The following POPDC1 variants were observed in gnomAD, a reference collection of about 807,000 sequenced individuals.
POPDC1 encodes the protein popeye domain-containing protein 1.
At chr6:105,111,782 A>G in the POPDC1 span, among the ~76,000 whole-genome samples, 1 of 152,244 alleles carries the variant, frequency 6.6e-6, no homozygotes, top group Admixed American at 6.5e-5. Context: ...TGGGAGCAGC[A>G]GCAATTCCAT....
At chr6:105,109,458 G>GT in the POPDC1 span, among the ~76,000 whole-genome samples, 1 of 152,042 alleles carries the variant, frequency 6.6e-6, no homozygotes, top group African/African-American at 2.4e-5. Flanking sequence ...CCTAGAGTTG[G>GT]TGAGAAGGTA....
the POPDC1 span, among the ~76,000 whole-genome samples, chr6:105,132,005 C>T: frequency 2.8e-3 from 402 of 145,716 alleles, 4 homozygotes; most frequent in African/African-American, 9.7e-3. Flanking sequence ...CTAGCTCTGT[C>T]GCCAGGTTGG....
chr6:105,132,855 A>C, the POPDC1 span, among the ~76,000 whole-genome samples: 35 of 152,328 alleles, frequency 2.3e-4, no homozygotes, highest in African/African-American at 8.4e-4. Context: ...TATCTTTTCA[A>C]GTAATAATAG....
At chr6:105,124,380 TCAAA>T in the POPDC1 span, among the ~76,000 whole-genome samples, 1 of 62,984 alleles carries the variant, frequency 1.6e-5, no homozygotes. Flanking sequence ...AGACTCCGTC[TCAAA>T]CAAAAAAAAA....
At chr6:105,133,362 C>T in the POPDC1 span, 1 of 1,611,618 alleles carries the variant, frequency 6.2e-7, no homozygotes, top group Non-Finnish European at 8.5e-7. Context: ...CTAGAGTTAA[C>T]ATTCCCCTAA....
the POPDC1 span, among the ~76,000 whole-genome samples, chr6:105,130,248 T>C: frequency 0.011 from 1,721 of 152,266 alleles, 35 homozygotes; most frequent in African/African-American, 0.04. Context: ...GATTTTCCCA[T>C]TTCATTAAAC....
chr6:105,105,183 C>T, the POPDC1 span, among the ~76,000 whole-genome samples: 50 of 152,284 alleles, frequency 3.3e-4, no homozygotes, highest in Admixed American at 9.8e-4. Context: ...CTGCAATCCC[C>T]CCCCAACTCC....
At chr6:105,115,777 C>G in the POPDC1 span, 1 of 1,614,134 alleles carries the variant, frequency 6.2e-7, no homozygotes, top group Non-Finnish European at 8.5e-7. Flanking sequence ...TCATTTCCAA[C>G]ATGGAGATCT....
the POPDC1 span, chr6:105,133,632 T>C: frequency 8.0e-6 from 11 of 1,380,250 alleles, 1 homozygote; most frequent in South Asian, 9.2e-5. Flanking sequence ...AAAATGGCAA[T>C]TGTATCTTTT....
the POPDC1 span, among the ~76,000 whole-genome samples, chr6:105,115,181 G>A: frequency 6.6e-6 from 1 of 152,242 alleles, no homozygotes; most frequent in African/African-American, 2.4e-5. Context: ...CCGCCTCCCA[G>A]GTTCACGCCA....
chr6:105,128,529 CATT>C, the POPDC1 span, among the ~76,000 whole-genome samples: 10 of 152,162 alleles, frequency 6.6e-5, no homozygotes, highest in African/African-American at 2.2e-4. Context: ...TGTTATATAT[CATT>C]GAGATTTATT....
chr6:105,123,573 TG>T, the POPDC1 span, among the ~76,000 whole-genome samples: 3 of 152,220 alleles, frequency 2.0e-5, no homozygotes, highest in East Asian at 5.8e-4. Context: ...GCTAATTGTT[TG>T]TATTTTTAGT....
the POPDC1 span, among the ~76,000 whole-genome samples, chr6:105,122,047 A>G: frequency 1.3e-5 from 2 of 152,148 alleles, no homozygotes; most frequent in Admixed American, 1.3e-4. Flanking sequence ...GACATTTTTC[A>G]TTTGGGAACT....
At chr6:105,134,194 A>C in the POPDC1 span, among the ~76,000 whole-genome samples, 20 of 152,218 alleles carry the variant, frequency 1.3e-4, no homozygotes, top group South Asian at 3.7e-3. Context: ...ATAAACATTT[A>C]TATATACACA....
chr6:105,130,864 C>T, the POPDC1 span, among the ~76,000 whole-genome samples: 2 of 152,166 alleles, frequency 1.3e-5, no homozygotes, highest in African/African-American at 2.4e-5. Context: ...AATGTGAAAA[C>T]TCCTAATTTG....
the POPDC1 span, among the ~76,000 whole-genome samples, chr6:105,110,791 C>T: frequency 1.3e-5 from 2 of 152,194 alleles, no homozygotes; most frequent in Non-Finnish European, 2.9e-5. Flanking sequence ...TAAAGTGGTC[C>T]TCTTAGCTCA....
At chr6:105,098,363 CA>C in the POPDC1 span, 1 of 152,192 alleles carries the variant, frequency 6.6e-6, no homozygotes, top group Non-Finnish European at 1.5e-5. Context: ...TCACGTTTCC[CA>C]TTCAGGCTAA....
chr6:105,131,516 A>G, the POPDC1 span, among the ~76,000 whole-genome samples: 1 of 152,230 alleles, frequency 6.6e-6, no homozygotes, highest in South Asian at 2.1e-4. Flanking sequence ...CCCAGGCTCA[A>G]GCCGTCCTCC....
the POPDC1 span, chr6:105,100,951 T>C: frequency 9.8e-6 from 10 of 1,018,080 alleles, no homozygotes; most frequent in Non-Finnish European, 1.4e-5. Context: ...TCCTTGACCC[T>C]TCCTCACTTC....
Sources: gnomAD v4.1 joint callset for allele counts (sites outside exome capture counted in the v4.1 genomes callset) on GRCh38, gnomAD v4.1.1 for gene constraint, MANE v1.5 for transcripts, NCBI Gene and HGNC (gene_info 2026-07-23, HGNC 2026-07-21) for gene names.